Variants in VTA1 observed in about 807,000 individuals in gnomAD.
The protein encoded by VTA1 is vesicle trafficking 1.
A neutral mutation model predicts 36.9 loss-of-function variants in VTA1; 24 were observed. That is an observed-to-expected ratio of 0.65 (90% CI 0.47 to 0.91). The LOEUF is 0.91. Among genes scored for constraint, VTA1 ranks in the 40% least tolerant of loss-of-function variants. The pLI, the probability that VTA1 is intolerant of heterozygous loss-of-function variation, is 0.00. For synonymous variants in VTA1, 142 were observed against 130.2 expected (o/e 1.09, Z -0.62); for missense variants, 393 against 377.2 (o/e 1.04, Z -0.35).
At chr6:142,208,770 A>T (rs554715691) in intron 7 of VTA1, among the ~76,000 whole-genome samples, 85 of 151,666 alleles carry the variant, frequency 5.6e-4, no homozygotes, top group Non-Finnish European at 7.8e-4. Flanking sequence ...GGAACATTTT[A>T]AAAAAAAACT....
chr6:142,176,233 A>G (rs1775122084), intron 4 of VTA1, among the ~76,000 whole-genome samples: 1 of 152,202 alleles, frequency 6.6e-6, no homozygotes, highest in Non-Finnish European at 1.5e-5. Context: ...TTTGGTTAAG[A>G]TTAATACTGC....
chr6:142,221,316 A>G lies in VTA1; in HGVS notation c.*2673A>G, dbSNP rs1472019206. 1.3e-5 allele frequency: 2 copies of G among 152,242 alleles called. No homozygotes were observed. The highest frequency in any genetic ancestry group is 1.3e-4 in the Admixed American group (2 of 15,280). The allele number at this position is 152,242 out of a possible 1,614,324, so 9.4% of individuals were successfully genotyped here. ...GTGTGTACAGACATATGCATATTTC[A>G]ATAGAATAGCCAGGATAGACCTCCC... On this transcript the variant is annotated 3_prime_UTR_variant, in exon 8 of 8. Transcript: ENST00000367630.
intron 1 of VTA1, among the ~76,000 whole-genome samples, chr6:142,164,618 A>G (rs1774879295): frequency 6.6e-6 from 1 of 152,166 alleles, no homozygotes; most frequent in Non-Finnish European, 1.5e-5. Context: ...TGTGACCATA[A>G]TTGAATTGGT....
intron 5 of VTA1, 93 bp downstream of exon 5, chr6:142,189,627 T>A: frequency 1.1e-6 from 1 of 910,532 alleles, no homozygotes; most frequent in Non-Finnish European, 1.6e-6. Context: ...AATACAGTTT[T>A]GTTTTCATCA....
At chr6:142,157,558 CCGTAAA>C (rs1778685603) in intron 1 of VTA1, among the ~76,000 whole-genome samples, 1 of 152,084 alleles carries the variant, frequency 6.6e-6, no homozygotes. Context: ...TTAGAAAAAA[CCGTAAA>C]GTTGAAGGGG....
rs538639637 is a variant in VTA1, at chr6:142,209,143, A to G, written c.778+5078A>G. 2.6e-5 allele frequency among the ~76,000 whole-genome samples: 4 copies of G among 152,248 alleles called. No homozygotes were observed. The East Asian group carries it at 5.8e-4, about 22-fold the overall frequency. On this transcript the variant is annotated intron_variant, in intron 7 of 7. Transcript: ENST00000367630. The stretch of plus-strand genomic sequence containing the variant: ...CTAAAGACATCTTATGCCTATAAAA[A>G]CCTAAAGACTCCACCAAAAAACCGT...
At chr6:142,159,470 C>A (rs1054531763) in intron 1 of VTA1, among the ~76,000 whole-genome samples, 4 of 145,576 alleles carry the variant, frequency 2.7e-5, no homozygotes, top group African/African-American at 1.0e-4. Context: ...CTGAATTTTT[C>A]ATTTCAGGTA....
chr6:142,213,156 C>T (rs1775935528), intron 7 of VTA1, among the ~76,000 whole-genome samples: 1 of 152,200 alleles, frequency 6.6e-6, no homozygotes, highest in African/African-American at 2.4e-5. Flanking sequence ...GGTGCAGGCA[C>T]TGGATAAATG....
In VTA1 at chr6:142,203,974, C is replaced by G; in HGVS notation, c.698-11C>G. The G allele has an allele frequency of 1.2e-6, 2 of 1,611,140 alleles. No individual in the cohort carries two copies. Among genetic ancestry groups the G allele is most frequent in the Non-Finnish European group, 1.7e-6 (2 of 1,178,498 alleles). On this transcript the variant is annotated splice_polypyrimidine_tract_variant and intron_variant, in intron 6 of 7. Coordinates refer to ENST00000367630, the MANE Select transcript of VTA1 (RefSeq NM_016485.5). ...TACTTCTATGCCCATTTTTGCTTTT[C>G]TGATTTGCAGGTGTAGCAAGTAATA...
Position 142,221,841 on chromosome 6 carries a change from C to T in VTA1, c.*3198C>T, listed in dbSNP as rs1776117099. 6.7e-6 allele frequency: 1 copy of T among 149,460 alleles called. No homozygotes were observed. The highest frequency in any genetic ancestry group is 2.1e-4 in the South Asian group (1 of 4,780). The allele number at this position is 149,460 out of a possible 1,614,324, so 9.3% of individuals were successfully genotyped here. A position where few individuals can be genotyped will look rare whatever the true frequency, so the allele number is the denominator to read the frequency against. ...TATATATTAGCCTGGCATGGTGGCA[C>T]ATACCTCTAATCTCAGCTACTGAAG... On this transcript the variant is annotated 3_prime_UTR_variant, in exon 8 of 8. Transcript: ENST00000367630.
At chr6:142,172,176 A>G (rs968407462) in intron 4 of VTA1, among the ~76,000 whole-genome samples, 1 of 152,010 alleles carries the variant, frequency 6.6e-6, no homozygotes. Flanking sequence ...ACACCTGGCT[A>G]ATTTTTTGTA....
intron 2 of VTA1, among the ~76,000 whole-genome samples, chr6:142,166,770 C>T (rs576279858): frequency 5.3e-5 from 8 of 152,200 alleles, no homozygotes; most frequent in East Asian, 1.9e-4. Flanking sequence ...TACAGGCACA[C>T]GCTAAACGCG....
At chr6:142,156,668 A>G (rs951360708) in intron 1 of VTA1, among the ~76,000 whole-genome samples, 1 of 152,202 alleles carries the variant, frequency 6.6e-6, no homozygotes, top group African/African-American at 2.4e-5. Context: ...ATAAACTTCC[A>G]GTTAAAGTAT....
chr6:142,198,703 G>T, intron 6 of VTA1, 88 bp downstream of exon 6: 1 of 1,253,386 alleles, frequency 8.0e-7, no homozygotes, highest in South Asian at 2.1e-5. Flanking sequence ...TCATAATGAT[G>T]GTCATGAAAA....
intron 5 of VTA1, among the ~76,000 whole-genome samples, chr6:142,196,202 G>C (rs1178651011): frequency 6.6e-6 from 1 of 152,092 alleles, no homozygotes; most frequent in East Asian, 1.9e-4. Context: ...TATTTGGCCG[G>C]ATTTTAAAGT....
rs1206688704 is a variant in VTA1 at position 142,198,388 on chromosome 6, A to T, written c.521-51A>T. 4 of 1,549,652 alleles carry T rather than the reference A, an allele frequency of 2.6e-6. No homozygotes were observed. In the Admixed American group the frequency reaches 7.1e-5, roughly 28 times the overall value. On this transcript the variant is annotated intron_variant, in intron 5 of 7. Coordinates refer to ENST00000367630, the MANE Select transcript of VTA1 (RefSeq NM_016485.5). ...GTATAATGAAATAAGAATACCTAGC[A>T]CTTGTATTTCAAAATACCTACTGTA...
At position 142,224,104 on chromosome 6, in the gene VTA1, A is replaced by C. The variant is rs1360640192; in HGVS notation, c.*5461A>C. The C allele has an allele frequency of 6.6e-6, 1 of 152,126 alleles. No individual in the cohort carries two copies. The highest frequency in any genetic ancestry group is 1.5e-5 in the Non-Finnish European group (1 of 68,042). The allele number at this position is 152,126 out of a possible 1,614,324, so 9.4% of individuals were successfully genotyped here. A position where few individuals can be genotyped will look rare whatever the true frequency, so the allele number is the denominator to read the frequency against. On this transcript the variant is annotated 3_prime_UTR_variant, in exon 8 of 8. Transcript: ENST00000367630. The stretch of plus-strand genomic sequence containing the variant: ...AGGGAGGCAATTAAGGTTACATGAG[A>C]TCATAAAGGTGAGGCCCTAATCCTA...
At chr6:142,195,013 A>G (rs1298699777) in intron 5 of VTA1, among the ~76,000 whole-genome samples, 2 of 152,110 alleles carry the variant, frequency 1.3e-5, no homozygotes, top group African/African-American at 4.8e-5. Context: ...GCCTTGTATT[A>G]TATGGCTGAT....
intron 7 of VTA1, among the ~76,000 whole-genome samples, chr6:142,216,090 T>C (rs1480417807): frequency 6.6e-6 from 1 of 152,182 alleles, no homozygotes; most frequent in African/African-American, 2.4e-5. Flanking sequence ...GCACCCTCTC[T>C]TGTTCTGATT....
Sources: gnomAD v4.1 joint callset for allele counts (sites outside exome capture counted in the v4.1 genomes callset) on GRCh38, gnomAD v4.1.1 for gene constraint, MANE v1.5 for transcripts, NCBI Gene and HGNC (gene_info 2026-07-23, HGNC 2026-07-21) for gene names.